EPHA4: variants seen among roughly 807,000 people sequenced by gnomAD.
EPHA4 encodes EPH receptor A4.
EPHA4 carries 19 observed loss-of-function variants against 108.3 expected under a neutral mutation model. The observed-to-expected ratio is 0.18, with a 90% CI of 0.12 to 0.26. The LOEUF is 0.26. Ranked by LOEUF, EPHA4 falls within the 10% of genes least tolerant of loss-of-function variation. The probability of loss-of-function intolerance (pLI) is 1.00; values close to 1 mark genes in which losing one functional copy is unlikely to be tolerated. For missense variants in EPHA4, 917 were observed against 1,254.0 expected (o/e 0.73, Z 4.06); for synonymous variants, 449 against 455.5 (o/e 0.99, Z 0.18).
chr2:221,546,627 A>G (rs1694007211), intron 3 of EPHA4, among the ~76,000 whole-genome samples: 1 of 152,158 alleles, frequency 6.6e-6, no homozygotes, highest in South Asian at 2.1e-4. Context: ...CTATAAAGAG[A>G]GATTTTTTTG....
intron 14 of EPHA4, among the ~76,000 whole-genome samples, chr2:221,432,818 ATTT>A (rs34200694): frequency 0.029 from 2,550 of 89,014 alleles, 89 homozygotes; most frequent in African/African-American, 0.1. Context: ...AAATCTTTGT[ATTT>A]TTTTTTTTTT....
chr2:221,522,776 T>TTA (rs1559278134), intron 3 of EPHA4, among the ~76,000 whole-genome samples: 24 of 132,374 alleles, frequency 1.8e-4, no homozygotes, highest in East Asian at 6.3e-4. Context: ...TATTATTATT[T>TTA]TTTTGAGACG....
At chr2:221,556,233 A>G (rs1694296876) in intron 3 of EPHA4, among the ~76,000 whole-genome samples, 1 of 152,190 alleles carries the variant, frequency 6.6e-6, no homozygotes, top group Non-Finnish European at 1.5e-5. Context: ...CAAATAGCAT[A>G]TTTTAAACAC....
At chr2:221,509,279 G>A (rs1247075581) in intron 3 of EPHA4, among the ~76,000 whole-genome samples, 1 of 152,226 alleles carries the variant, frequency 6.6e-6, no homozygotes, top group African/African-American at 2.4e-5. Context: ...AGTGAGCCGA[G>A]ATCGTGCCAT....
chr2:221,493,317 C>A (rs1239751024), intron 4 of EPHA4, among the ~76,000 whole-genome samples: 1 of 152,142 alleles, frequency 6.6e-6, no homozygotes, highest in Non-Finnish European at 1.5e-5. Flanking sequence ...AGACATCCCT[C>A]CCCAAATCCC....
At chr2:221,529,462 T>A (rs1176941860) in intron 3 of EPHA4, among the ~76,000 whole-genome samples, 1 of 152,192 alleles carries the variant, frequency 6.6e-6, no homozygotes, top group Non-Finnish European at 1.5e-5. Context: ...CACGCTGACT[T>A]GTACCAATGG....
chr2:221,569,654 C>T (rs1694769229), intron 1 of EPHA4, among the ~76,000 whole-genome samples: 1 of 151,854 alleles, frequency 6.6e-6, no homozygotes, highest in African/African-American at 2.4e-5. Flanking sequence ...CCTCTCTTTC[C>T]CACCGAGATC....
At chr2:221,513,208 A>G (rs1488909725) in intron 3 of EPHA4, among the ~76,000 whole-genome samples, 2 of 152,190 alleles carry the variant, frequency 1.3e-5, no homozygotes, top group African/African-American at 2.4e-5. Flanking sequence ...GCACAGTCCA[A>G]TAGGAGACAT....
chr2:221,440,700 T>C (rs1042526897), intron 11 of EPHA4, among the ~76,000 whole-genome samples: 2 of 152,158 alleles, frequency 1.3e-5, no homozygotes, highest in Admixed American at 6.5e-5. Flanking sequence ...ACGAGGTTTT[T>C]TCTGAAAAAA....
rs765806025 is a variant in EPHA4 at position 221,564,415 on chromosome 2, T to C, written c.160-21A>G. On this transcript the variant is annotated intron_variant, in intron 2 of 17. Coordinates refer to ENST00000281821, the MANE Select transcript of EPHA4 (RefSeq NM_004438.5). Reference sequence around the variant, plus strand: ...TCCCACTGCAAAGATCCAAAGCAGATGTATCAACTACAAAGTTTCATCATG... The same window carrying C: ...TCCCACTGCAAAGATCCAAAGCAGACGTATCAACTACAAAGTTTCATCATG... 12 of 1,589,276 alleles carry C rather than the reference T, an allele frequency of 7.6e-6. No homozygotes were observed. In the Admixed American group the frequency reaches 2.1e-4, roughly 27 times the overall value.
intron 3 of EPHA4, among the ~76,000 whole-genome samples, chr2:221,509,682 T>A (rs899726919): frequency 6.6e-6 from 1 of 152,204 alleles, no homozygotes; most frequent in African/African-American, 2.4e-5. Flanking sequence ...TTTAGAAAGG[T>A]TAAAATATTT....
chr2:221,523,621 C>G (rs899276164), intron 3 of EPHA4, among the ~76,000 whole-genome samples: 2 of 147,104 alleles, frequency 1.4e-5, no homozygotes, highest in African/African-American at 5.1e-5. Flanking sequence ...TGAGACAGAG[C>G]CTCCCTCTGT....
rs1559297223 is a variant in EPHA4, at chr2:221,566,918, AG to A, written c.159+1799del. On this transcript the variant is annotated intron_variant, in intron 2 of 17. Transcript: ENST00000281821. ...AAGGAGAAGGAGAAGGAGAAGGAGA[AG>A]GAGAAGGAGAAGGAGAAGGAGAAGG... 6.1e-4 allele frequency among the ~76,000 whole-genome samples: 32 copies of A among 52,254 alleles called. 8 individuals are homozygous for A. The highest frequency in any genetic ancestry group is 3.0e-3 in the African/African-American group (27 of 8,962). The allele number at this position is 52,254 out of a possible 152,430, so 34.3% of individuals were successfully genotyped here. A position where few individuals can be genotyped will look rare whatever the true frequency, so the allele number is the denominator to read the frequency against.
upstream of EPHA4, chr2:221,573,467 A>G (rs1694909532): frequency 6.6e-6 from 1 of 152,216 alleles, no homozygotes. The surrounding 1 kb of genome is among the most constrained non-coding windows in gnomAD (Gnocchi z 4.5). Flanking sequence ...CCGGTGTCCC[A>G]GGGACCGGTC....
chr2:221,501,980 C>A (rs576784039), intron 3 of EPHA4, among the ~76,000 whole-genome samples: 1 of 152,160 alleles, frequency 6.6e-6, no homozygotes, highest in East Asian at 1.9e-4. Context: ...TTTTCCAGCA[C>A]CCTTCCCCTG....
intron 5 of EPHA4, among the ~76,000 whole-genome samples, chr2:221,479,262 G>C (rs974925979): frequency 1.3e-5 from 2 of 152,198 alleles, no homozygotes; most frequent in Non-Finnish European, 2.9e-5. Flanking sequence ...TCTGACATTA[G>C]CATGGGTGAG....
chr2:221,449,444 G>C (rs1473105579), intron 8 of EPHA4, among the ~76,000 whole-genome samples: 1 of 152,232 alleles, frequency 6.6e-6, no homozygotes, highest in Non-Finnish European at 1.5e-5. Flanking sequence ...CAGAGATGTG[G>C]ACAAGCTGAT....
chr2:221,450,128 G>A (rs1690732823), intron 8 of EPHA4, among the ~76,000 whole-genome samples: 1 of 152,240 alleles, frequency 6.6e-6, no homozygotes, highest in Admixed American at 6.5e-5. Flanking sequence ...TAACATTTAA[G>A]TGTTTTCATT....
rs78741287 is a variant in EPHA4, at chr2:221,431,644, C to T, written c.2497-1493G>A. On this transcript the variant is annotated intron_variant, in intron 14 of 17. Transcript: ENST00000281821. Reference sequence around the variant, plus strand: ...GTTTCTTTTATCTTCCCAGGTGCATCGTGTTGACTCTAGACTTGATGAGAA... The same window carrying T: ...GTTTCTTTTATCTTCCCAGGTGCATTGTGTTGACTCTAGACTTGATGAGAA... Among the ~76,000 whole-genome samples the T allele has an allele frequency of 2.0e-4, 31 of 152,240 alleles. No individual in the cohort carries two copies. In the East Asian group the frequency reaches 5.0e-3, roughly 25 times the overall value.
Sources: allele counts gnomAD v4.1 joint callset (sites outside exome capture counted in the v4.1 genomes callset), GRCh38; gene constraint gnomAD v4.1.1; non-coding constraint Gnocchi (gnomAD v3.1); transcripts MANE v1.5; gene names NCBI Gene and HGNC (gene_info 2026-07-23, HGNC 2026-07-21).